EXOC6: variants seen among roughly 807,000 people sequenced by gnomAD.
The protein encoded by EXOC6 is exocyst complex component 6.
In EXOC6, 60 loss-of-function variants were observed where a neutral mutation model predicts 112.5. The observed-to-expected ratio is 0.53, with a 90% confidence interval of 0.43 to 0.66. The LOEUF is 0.66. EXOC6 is among the 30% of genes least tolerant of loss of function. The pLI is 0.00. For missense variants in EXOC6, 855 were observed against 957.1 expected (o/e 0.89, Z 1.41); for synonymous variants, 295 against 308.0 (o/e 0.96, Z 0.44).
At chr10:93,003,441 C>T (rs1707131034) in intron 19 of EXOC6, among the ~76,000 whole-genome samples, 1 of 152,088 alleles carries the variant, frequency 6.6e-6, no homozygotes, top group South Asian at 2.1e-4. Context: ...TTTTTTGAAA[C>T]AATGTGTTGG....
At position 93,037,378 on chromosome 10, in the gene EXOC6, G is replaced by A. The variant is rs558094816; in HGVS notation, c.2170-19546G>A. Among the ~76,000 whole-genome samples the A allele has an allele frequency of 3.3e-5, 5 of 151,232 alleles. No homozygotes were observed. The East Asian group carries it at 7.8e-4, about 24-fold the overall frequency. On this transcript the variant is annotated intron_variant, in intron 20 of 21. Transcript: ENST00000260762. ...TGTTCTGAAACTCCTGGCCTCAAGCGATCCACCTCAGCCACCCAATGTGCG... is the reference window on the plus strand; with the variant it reads ...TGTTCTGAAACTCCTGGCCTCAAGCAATCCACCTCAGCCACCCAATGTGCG...
intron 20 of EXOC6, among the ~76,000 whole-genome samples, chr10:93,037,856 G>T (rs7902902): frequency 6.7e-6 from 1 of 149,854 alleles, no homozygotes; most frequent in Non-Finnish European, 1.5e-5. Flanking sequence ...TCGAGACCAC[G>T]GTGAAACCCC....
intron 18 of EXOC6, among the ~76,000 whole-genome samples, chr10:92,980,573 G>A (rs1589967930): frequency 6.6e-6 from 1 of 151,978 alleles, no homozygotes; most frequent in Non-Finnish European, 1.5e-5. Flanking sequence ...GTATTATACA[G>A]CCACTTGAAA....
chr10:92,988,950 G>A (rs963388263), intron 18 of EXOC6, among the ~76,000 whole-genome samples: 6 of 152,056 alleles, frequency 3.9e-5, no homozygotes, highest in African/African-American at 1.4e-4. Flanking sequence ...AAAAATCCTG[G>A]ATCTCTTCCC....
At chr10:92,895,092 T>A in intron 4 of EXOC6, 72 bp downstream of exon 4, 2 of 871,090 alleles carry the variant, frequency 2.3e-6, no homozygotes, top group Non-Finnish European at 3.8e-6. Context: ...AAGTAGTGAT[T>A]CTTTGGTATG....
At chr10:92,988,851 C>T (rs1431885167) in intron 18 of EXOC6, among the ~76,000 whole-genome samples, 2 of 147,604 alleles carry the variant, frequency 1.4e-5, no homozygotes, top group Non-Finnish European at 3.0e-5. Context: ...GCATTTCTGA[C>T]CATTACTAAA....
intron 8 of EXOC6, among the ~76,000 whole-genome samples, chr10:92,921,977 G>A (rs970997605): frequency 2.2e-4 from 34 of 151,728 alleles, no homozygotes; most frequent in African/African-American, 8.0e-4. Flanking sequence ...ACAGAGTCTT[G>A]CTCTGTTGCC....
intron 18 of EXOC6, among the ~76,000 whole-genome samples, chr10:92,975,800 A>T (rs1589955674): frequency 8.5e-6 from 1 of 117,172 alleles, no homozygotes; most frequent in African/African-American, 3.4e-5. Context: ...TGGGGGGGTC[A>T]GCCCCCGCGC....
intron 17 of EXOC6, among the ~76,000 whole-genome samples, chr10:92,967,328 T>A (rs1717422109): frequency 6.6e-6 from 1 of 152,098 alleles, no homozygotes; most frequent in African/African-American, 2.4e-5. Context: ...TAAAATTTTC[T>A]TCTTTCAGAT....
intron 20 of EXOC6, among the ~76,000 whole-genome samples, chr10:93,056,514 C>T (rs1846544574): frequency 6.6e-6 from 1 of 151,956 alleles, no homozygotes; most frequent in South Asian, 2.1e-4. Flanking sequence ...ATACTTACCT[C>T]TAAGAAAAAA....
At chr10:92,974,353 T>C (rs1445033282) in intron 18 of EXOC6, 121 bp downstream of exon 18, 1 of 537,986 alleles carries the variant, frequency 1.9e-6, no homozygotes, top group African/African-American at 2.0e-5. Flanking sequence ...TTCTCCATTA[T>C]TATAAATCCA....
chr10:92,827,730 G>C (rs1488724846), intron 1 of EXOC6, among the ~76,000 whole-genome samples: 1 of 152,084 alleles, frequency 6.6e-6, no homozygotes, highest in East Asian at 1.9e-4. Flanking sequence ...TTCCAGAAAA[G>C]CAAGTTGCAA....
Position 93,037,826 on chromosome 10 carries a change from C to T in EXOC6, c.2170-19098C>T, listed in dbSNP as rs556287410. On this transcript the variant is annotated intron_variant, in intron 20 of 21. Transcript: ENST00000260762. ...CAGCACTTTGGGAGGCCGAGGTGGG[C>T]GGATCACGAGGTCCGGAGATCGAGA... 1.6e-4 allele frequency among the ~76,000 whole-genome samples: 24 copies of T among 150,236 alleles called. No individual in the cohort carries two copies. In the East Asian group the frequency reaches 4.6e-3, roughly 29 times the overall value.
At chr10:92,867,047 C>G (rs150312288) in intron 1 of EXOC6, among the ~76,000 whole-genome samples, 2,245 of 152,170 alleles carry the variant, frequency 0.015, 51 homozygotes, top group African/African-American at 0.052. Context: ...AAAAGTCTTT[C>G]TGAATTACAG....
intron 18 of EXOC6, among the ~76,000 whole-genome samples, chr10:92,976,058 C>T (rs1170195994): frequency 2.6e-4 from 27 of 103,740 alleles, no homozygotes; most frequent in African/African-American, 1.0e-3. Context: ...GGGGGGGGGT[C>T]AGCCCCCCGC....
intron 5 of EXOC6, among the ~76,000 whole-genome samples, chr10:92,903,373 ATT>A (rs58146053): frequency 6.2e-5 from 9 of 145,854 alleles, no homozygotes; most frequent in Admixed American, 1.4e-4. Context: ...GAATAAACAA[ATT>A]TTTTTTTTTT....
At chr10:92,999,203 CTT>C (rs768506467) in intron 19 of EXOC6, 282 of 350,552 alleles carry the variant, frequency 8.0e-4, no homozygotes, top group East Asian at 2.2e-3. Flanking sequence ...CTAAGAAACA[CTT>C]TTTTTTTTTT....
At chr10:93,001,416 C>CTA (rs1451366248) in intron 19 of EXOC6, among the ~76,000 whole-genome samples, 3 of 152,180 alleles carry the variant, frequency 2.0e-5, no homozygotes, top group Non-Finnish European at 4.4e-5. Flanking sequence ...ATACATCACT[C>CTA]TATCAATCTC....
intron 1 of EXOC6, among the ~76,000 whole-genome samples, chr10:92,848,952 CG>C (rs1297718674): frequency 6.6e-6 from 1 of 152,180 alleles, no homozygotes; most frequent in African/African-American, 2.4e-5. Flanking sequence ...CTGCGGCCCC[CG>C]GGCCCGAGGA....
Sources: allele counts gnomAD v4.1 joint callset (sites outside exome capture counted in the v4.1 genomes callset), GRCh38; gene constraint gnomAD v4.1.1; transcripts MANE v1.5; gene names NCBI Gene and HGNC (gene_info 2026-07-23, HGNC 2026-07-21).